The following ADAMTS17 variants were observed in gnomAD, a reference collection of about 807,000 sequenced individuals.
The protein encoded by ADAMTS17 is ADAM metallopeptidase with thrombospondin type 1 motif 17.
ADAMTS17 carries 113 observed loss-of-function variants against 141.5 expected under a neutral mutation model. The observed-to-expected ratio is 0.80, with a 90% CI of 0.69 to 0.93. ADAMTS17 has a LOEUF of 0.93. Ranked by LOEUF, ADAMTS17 falls within the 40% of genes least tolerant of loss-of-function variation. ADAMTS17 has a pLI of 0.00. For synonymous variants in ADAMTS17, 768 were observed against 630.6 expected (o/e 1.22, Z -3.27); for missense variants, 1,659 against 1,517.9 (o/e 1.09, Z -1.54).
At chr15:100,120,713 A>C (rs2037408412) in intron 12 of ADAMTS17, among the ~76,000 whole-genome samples, 1 of 152,256 alleles carries the variant, frequency 6.6e-6, no homozygotes, top group African/African-American at 2.4e-5. Context: ...CCACTAAATC[A>C]TAAAACAAAA....
chr15:100,341,282 TGGGGGCGTGC>T lies in ADAMTS17; in HGVS notation c.197_206del (p.Arg66GlnfsTer94), dbSNP rs1029322575. The T allele has an allele frequency of 7.7e-6, 9 of 1,168,214 alleles. No homozygotes were observed. The highest frequency in any genetic ancestry group is 8.4e-6 in the Non-Finnish European group (8 of 951,794). 72.4% of individuals were successfully genotyped at this position (1,168,214 alleles called of 1,614,324 possible). On this transcript the variant is annotated frameshift_variant, in exon 2 of 22. Transcript: ENST00000268070. LOFTEE classifies it high-confidence loss of function. ...CTCCGGGCCGGGCGCGCGGGGCGGC[TGGGGGCGTGC>T]GGGGGCGTCGCCGCCGTCGGGGCCC... is the stretch of plus-strand genomic sequence containing the variant.
At chr15:100,185,210 G>A (rs1463025742) in intron 8 of ADAMTS17, among the ~76,000 whole-genome samples, 1 of 152,196 alleles carries the variant, frequency 6.6e-6, no homozygotes, top group Non-Finnish European at 1.5e-5. Flanking sequence ...CTGTGCCTCA[G>A]TTTCCCTACC....
chr15:100,137,192 G>C (rs896268011), intron 10 of ADAMTS17, among the ~76,000 whole-genome samples: 1 of 152,302 alleles, frequency 6.6e-6, no homozygotes, highest in Admixed American at 6.5e-5. Context: ...AGTATTGATT[G>C]AAACCAACGT....
intron 15 of ADAMTS17, among the ~76,000 whole-genome samples, chr15:100,057,940 C>G (rs1293663024): frequency 5.9e-5 from 9 of 152,080 alleles, no homozygotes; most frequent in Non-Finnish European, 1.3e-4. Flanking sequence ...GGCATTCACA[C>G]ATGCTTTTTG....
chr15:100,263,712 C>T (rs927120081), intron 4 of ADAMTS17, among the ~76,000 whole-genome samples: 3 of 152,184 alleles, frequency 2.0e-5, no homozygotes, highest in East Asian at 1.9e-4. Context: ...AAGGTAGTGG[C>T]AGATGGAAGG....
chr15:100,109,257 G>A (rs937855081), intron 13 of ADAMTS17, 141 bp from the exon 14 acceptor site: 15 of 1,015,010 alleles, frequency 1.5e-5, no homozygotes, highest in Admixed American at 6.3e-5. Flanking sequence ...TCAGGTACGC[G>A]CTCCAGGAAG....
intron 18 of ADAMTS17, among the ~76,000 whole-genome samples, chr15:100,041,700 C>G (rs1596286640): frequency 1.3e-5 from 2 of 152,320 alleles, no homozygotes; most frequent in East Asian, 3.9e-4. Flanking sequence ...GAGACGCCAT[C>G]TGCCATGCGT....
chr15:100,186,626 T>C (rs2040728403), intron 8 of ADAMTS17, among the ~76,000 whole-genome samples: 1 of 152,202 alleles, frequency 6.6e-6, no homozygotes, highest in Non-Finnish European at 1.5e-5. Context: ...CAGGTAGACA[T>C]TCCTCTACTA....
chr15:100,153,777 A>C (rs574114739), intron 9 of ADAMTS17, among the ~76,000 whole-genome samples: 50 of 152,370 alleles, frequency 3.3e-4, no homozygotes, highest in African/African-American at 1.1e-3. Context: ...TCACTTGCCA[A>C]GATTCTTAAG....
chr15:100,330,067 C>A (rs1452738516), intron 3 of ADAMTS17, among the ~76,000 whole-genome samples: 2 of 152,184 alleles, frequency 1.3e-5, no homozygotes, highest in Non-Finnish European at 2.9e-5. Flanking sequence ...CACCTGTGCT[C>A]CAACTTCATC....
chr15:100,188,294 C>T (rs2040794012), intron 8 of ADAMTS17, among the ~76,000 whole-genome samples: 1 of 151,940 alleles, frequency 6.6e-6, no homozygotes, highest in African/African-American at 2.4e-5. Flanking sequence ...TCAGGCTGGT[C>T]TCAAACTCCT....
chr15:100,205,581 A>G (rs1006041733), intron 7 of ADAMTS17, among the ~76,000 whole-genome samples: 1 of 152,140 alleles, frequency 6.6e-6, no homozygotes, highest in Non-Finnish European at 1.5e-5. Flanking sequence ...GGAGAACCCC[A>G]GAGAGGCTCA....
intron 8 of ADAMTS17, among the ~76,000 whole-genome samples, chr15:100,169,302 G>A (rs2040070313): frequency 6.6e-6 from 1 of 152,168 alleles, no homozygotes; most frequent in African/African-American, 2.4e-5. Context: ...TACAGGCAAA[G>A]GTGGAGCCAC....
intron 15 of ADAMTS17, among the ~76,000 whole-genome samples, chr15:100,064,881 G>GT (rs1182083601): frequency 6.6e-6 from 1 of 151,974 alleles, no homozygotes; most frequent in Non-Finnish European, 1.5e-5. Flanking sequence ...TTAGACAAGC[G>GT]TATTAGGCGT....
chr15:99,986,013 C>T (rs1427671859), intron 20 of ADAMTS17, among the ~76,000 whole-genome samples: 1 of 152,230 alleles, frequency 6.6e-6, no homozygotes, highest in Non-Finnish European at 1.5e-5. Flanking sequence ...CCCTTTAGGC[C>T]AAGTCACTGT....
rs528032630 is a variant in ADAMTS17, at chr15:100,007,469, G to A, written c.2592-9880C>T. ...GAGTTTCGCTGTTGTCACCCAGGCT[G>A]GAGTGCAATGGCACGATCTCGACTC... is the stretch of plus-strand genomic sequence containing the variant. On this transcript the variant is annotated intron_variant, in intron 18 of 21. Coordinates refer to ENST00000268070, the MANE Select transcript of ADAMTS17 (RefSeq NM_139057.4). 4.6e-5 allele frequency among the ~76,000 whole-genome samples: 7 copies of A among 151,900 alleles called. No homozygotes were observed. In the South Asian group the frequency reaches 1.5e-3, roughly 32 times the overall value.
chr15:100,134,973 G>A (rs1286378508), intron 10 of ADAMTS17, among the ~76,000 whole-genome samples: 1 of 152,172 alleles, frequency 6.6e-6, no homozygotes, highest in Non-Finnish European at 1.5e-5. Flanking sequence ...CATGCACTCT[G>A]ACCTGCGAGC....
At position 100,341,291 on chromosome 15, in the gene ADAMTS17, G is replaced by T; in HGVS notation, c.198C>A (p.Arg66=). 8.9e-7 allele frequency: 1 copy of T among 1,127,352 alleles called. No individual in the cohort carries two copies. The highest frequency in any genetic ancestry group is 1.1e-6 in the Non-Finnish European group (1 of 924,256). 69.8% of individuals were successfully genotyped at this position (1,127,352 alleles called of 1,614,324 possible). ...APGPRRRRRP[R]TPPAAPRARP... ...GGGCGCGCGGGGCGGCTGGGGGCGT[G>T]CGGGGGCGTCGCCGCCGTCGGGGCC... The change falls in exon 2 of 22, where the codon CGC becomes CGA. Residue 66 remains arginine (R), a synonymous_variant. Transcript: ENST00000268070.
intron 12 of ADAMTS17, chr15:100,129,226 C>G (rs1245995823): frequency 6.6e-6 from 1 of 152,278 alleles, no homozygotes. Context: ...ACTCCAATCA[C>G]AAACGTGGAG....
Sources: gnomAD v4.1 joint callset for allele counts (sites outside exome capture counted in the v4.1 genomes callset) on GRCh38, gnomAD v4.1.1 for gene constraint, MANE v1.5 for transcripts, NCBI Gene and HGNC (gene_info 2026-07-23, HGNC 2026-07-21) for gene names.